The following IQCB1 variants were observed in gnomAD, a reference collection of about 807,000 sequenced individuals.
IQCB1 encodes IQ motif containing B1.
In IQCB1, 56 loss-of-function variants were observed where a neutral mutation model predicts 84.4. That is an observed-to-expected ratio of 0.66 (90% CI 0.54 to 0.83). IQCB1 has a LOEUF of 0.83. Ranked by LOEUF, IQCB1 falls within the 40% of genes least tolerant of loss-of-function variation. The pLI, the probability that IQCB1 is intolerant of heterozygous loss-of-function variation, is 0.00. For missense variants in IQCB1, 629 were observed against 682.1 expected, an observed-to-expected ratio of 0.92 and a Z score of 0.87; for synonymous variants, 210 against 234.8, an observed-to-expected ratio of 0.89 and a Z score of 0.96.
At chr3:121,785,364 C>A (rs564315533) in intron 12 of IQCB1, among the ~76,000 whole-genome samples, 1 of 151,970 alleles carries the variant, frequency 6.6e-6, no homozygotes, top group Non-Finnish European at 1.5e-5. Flanking sequence ...GTGATTTTCC[C>A]CCACTTCAGT....
At chr3:121,795,610 T>C (rs763479407) in intron 9 of IQCB1, 44 bp from the exon 10 acceptor site, 15 of 1,025,322 alleles carry the variant, frequency 1.5e-5, no homozygotes. Flanking sequence ...AGGAAGGTCT[T>C]TAAAAAAAAA....
intron 5 of IQCB1, among the ~76,000 whole-genome samples, chr3:121,814,053 C>T (rs191785549): frequency 1.3e-5 from 2 of 152,244 alleles, no homozygotes; most frequent in East Asian, 3.9e-4. Context: ...TGCAAAAGAA[C>T]AGAAATCATA....
intron 7 of IQCB1, among the ~76,000 whole-genome samples, chr3:121,806,183 T>C (rs1193974729): frequency 6.6e-6 from 1 of 152,138 alleles, no homozygotes; most frequent in Non-Finnish European, 1.5e-5. Context: ...TGATTTTAAT[T>C]CATTATTTTA....
intron 6 of IQCB1, among the ~76,000 whole-genome samples, chr3:121,808,180 A>T (rs530976673): frequency 1.3e-5 from 2 of 152,060 alleles, no homozygotes; most frequent in East Asian, 3.9e-4. Flanking sequence ...GAAAATGGGA[A>T]ATGGAGTGGG....
At position 121,834,947 on chromosome 3, in the gene IQCB1, A is replaced by C; in HGVS notation, c.-102+19T>G. Reference sequence around the variant, plus strand: ...CCTGGGGCCCTCTCCCTCCCCAGCCACCACCTCAGATAAGTTACCTCATCC... The same window carrying C: ...CCTGGGGCCCTCTCCCTCCCCAGCCCCCACCTCAGATAAGTTACCTCATCC... On this transcript the variant is annotated intron_variant, in intron 1 of 14. Coordinates refer to ENST00000310864, the MANE Select transcript of IQCB1 (RefSeq NM_001023570.4). 2.7e-6 allele frequency: 1 copy of C among 373,048 alleles called. No homozygotes were observed. The allele number at this position is 373,048 out of a possible 1,614,324, so 23.1% of individuals were successfully genotyped here.
At chr3:121,823,693 T>C (rs941221356) in intron 5 of IQCB1, among the ~76,000 whole-genome samples, 2 of 152,208 alleles carry the variant, frequency 1.3e-5, no homozygotes, top group African/African-American at 2.4e-5. Context: ...ACCAGCAGAA[T>C]TGCACTGTAA....
rs138154094 is a variant in IQCB1 at position 121,812,426 on chromosome 3, A to G, written c.394-3417T>C. ...AAAAACTGGACTGAGAATGAGTTTG[A>G]TAATTAACAAAAGTAGGCTTCGGAA... On this transcript the variant is annotated intron_variant, in intron 5 of 14. Transcript: ENST00000310864. Among the ~76,000 whole-genome samples the G allele has an allele frequency of 3.9e-5, 6 of 152,316 alleles. No individual in the cohort carries two copies. In the East Asian group the frequency reaches 1.2e-3, roughly 29 times the overall value.
At position 121,828,622 on chromosome 3, in the gene IQCB1, G is replaced by A. The variant is rs2108643326; in HGVS notation, c.111C>T (p.Asn37=). The A allele has an allele frequency of 1.3e-6, 2 of 1,594,774 alleles. No individual in the cohort carries two copies. The highest frequency in any genetic ancestry group is 4.5e-5 in the East Asian group (2 of 44,704). Reference sequence around the variant, plus strand: ...ACTCTGAGCTTCCTAAAGGTGTGATGTTTATTATTTCTAAGGCAAAAGGAA... The same window carrying A: ...ACTCTGAGCTTCCTAAAGGTGTGATATTTATTATTTCTAAGGCAAAAGGAA... ...VILLKLKEII[N]ITPLGSSELK... is the part of the protein sequence containing the mutation. Residue 37 remains asparagine (N), a synonymous_variant, in exon 4 of 15, where the codon AAC becomes AAT. Coordinates refer to ENST00000310864, the MANE Select transcript of IQCB1 (RefSeq NM_001023570.4).
intron 13 of IQCB1, among the ~76,000 whole-genome samples, chr3:121,777,456 A>T (rs1364130930): frequency 6.6e-6 from 1 of 152,232 alleles, no homozygotes; most frequent in East Asian, 1.9e-4. Context: ...ATATGTAAAC[A>T]TATATAAATG....
At chr3:121,771,142 T>A (rs1232782134) in intron 14 of IQCB1, among the ~76,000 whole-genome samples, 2 of 151,256 alleles carry the variant, frequency 1.3e-5, no homozygotes, top group Non-Finnish European at 2.9e-5. Context: ...CAGCTAATTT[T>A]GTATTTTTAG....
At chr3:121,825,916 G>T in intron 5 of IQCB1, 135 bp downstream of exon 5, 1 of 850,378 alleles carries the variant, frequency 1.2e-6, no homozygotes, top group Non-Finnish European at 1.8e-6. Context: ...ATTTTTGGAA[G>T]GTTGTAACTT....
At chr3:121,775,790 T>C (rs1948200779) in intron 13 of IQCB1, among the ~76,000 whole-genome samples, 1 of 152,136 alleles carries the variant, frequency 6.6e-6, no homozygotes, top group Non-Finnish European at 1.5e-5. Flanking sequence ...ACAACAAATA[T>C]TGAAAGGGTA....
Position 121,828,576 on chromosome 3 carries a change from T to A in IQCB1, c.157A>T (p.Ile53Leu). Residue 53 changes from isoleucine (I) to leucine (L), a missense_variant, in exon 4 of 15, where the codon ATA (isoleucine) becomes TTA (leucine). Ile to Leu is a conservative substitution (Grantham distance 5). Transcript: ENST00000310864. ...SSELKKIKQD[I>L]YCYDLIQYCL... is the part of the protein sequence containing the mutation. ...TATTGAATGAGATCATAACAATATA[T>A]ATCTTGTTTGATTTTCTTCAACTCT... The A allele has an allele frequency of 6.2e-7, 1 of 1,603,302 alleles. No homozygotes were observed. The highest frequency in any genetic ancestry group is 8.5e-7 in the Non-Finnish European group (1 of 1,170,264).
chr3:121,788,282 A>C lies in IQCB1; in HGVS notation c.1278+2T>G, dbSNP rs576751267. On this transcript the variant is annotated splice_donor_variant, in intron 12 of 14. Coordinates refer to ENST00000310864, the MANE Select transcript of IQCB1 (RefSeq NM_001023570.4). LOFTEE classifies it high-confidence loss of function. ...GAGCTCTTTTCACTACATTAGACTC[A>C]CTGCTCTTTGAAGTGTGACAGCTGC... 6.2e-7 allele frequency: 1 copy of C among 1,613,702 alleles called. No homozygotes were observed. The highest frequency in any genetic ancestry group is 1.3e-5 in the African/African-American group (1 of 74,916).
chr3:121,801,062 C>G (rs1162183922), intron 7 of IQCB1, among the ~76,000 whole-genome samples: 1 of 151,936 alleles, frequency 6.6e-6, no homozygotes, highest in East Asian at 1.9e-4. Context: ...TCTGACCATT[C>G]TTTTTCATTT....
At chr3:121,785,119 C>T (rs923261278) in intron 12 of IQCB1, among the ~76,000 whole-genome samples, 1 of 152,164 alleles carries the variant, frequency 6.6e-6, no homozygotes, top group African/African-American at 2.4e-5. Flanking sequence ...AACAATGCCT[C>T]TGTTTTTGCA....
chr3:121,808,121 C>T (rs1949676341), intron 6 of IQCB1, among the ~76,000 whole-genome samples: 5 of 151,846 alleles, frequency 3.3e-5, no homozygotes, highest in Admixed American at 2.0e-4. Flanking sequence ...AATAACTGAG[C>T]ATAACTACCA....
At chr3:121,833,080 GTAAGCTTCA>G (rs1950705476) in intron 2 of IQCB1, among the ~76,000 whole-genome samples, 1 of 152,122 alleles carries the variant, frequency 6.6e-6, no homozygotes, top group Admixed American at 6.5e-5. Flanking sequence ...ACCTCAGAAG[GTAAGCTTCA>G]TGAGGGCAAC....
At position 121,808,991 on chromosome 3, in the gene IQCB1, A is replaced by G; in HGVS notation, c.412T>C (p.Leu138=). 6.2e-7 allele frequency: 1 copy of G among 1,606,162 alleles called. No homozygotes were observed. The highest frequency in any genetic ancestry group is 8.5e-7 in the Non-Finnish European group (1 of 1,173,390). ...NAAKAEEKDE[L]LHFFQIVTDS... is the part of the protein sequence containing the mutation. ...GTCACAATTTGGAAAAAGTGTAGTAATTCATCTTTTTCTTCAGCCTTAACA... is the reference window on the plus strand; with the variant it reads ...GTCACAATTTGGAAAAAGTGTAGTAGTTCATCTTTTTCTTCAGCCTTAACA... The change falls in exon 6 of 15, where the codon TTA becomes CTA. Residue 138 remains leucine, a synonymous_variant. Transcript: ENST00000310864.
Sources: gnomAD v4.1 joint callset for allele counts (sites outside exome capture counted in the v4.1 genomes callset) on GRCh38, gnomAD v4.1.1 for gene constraint, MANE v1.5 for transcripts, NCBI Gene and HGNC (gene_info 2026-07-23, HGNC 2026-07-21) for gene names.